Variants in KALRN observed in about 807,000 individuals in gnomAD.
KALRN encodes the protein kalirin.
Under a neutral mutation model 353.7 loss-of-function variants are expected in KALRN, and 70 were observed. The observed-to-expected ratio is 0.20, with a 90% CI of 0.16 to 0.24. The LOEUF is 0.24. KALRN is among the 10% of genes least tolerant of loss of function. KALRN has a pLI of 1.00. For missense variants in KALRN, 2,791 were observed against 3,756.7 expected (o/e 0.74, Z 6.72); for synonymous variants, 1,391 against 1,434.8 (o/e 0.97, Z 0.69).
rs377624275 is a variant in KALRN at position 124,605,584 on chromosome 3, A to AG, written c.5183-26836_5183-26835insG. ...TGGGACTCCATCTAAAAAAAAAAAA[A>AG]AAAGAGAGAGAGAGAATAGGTGCAT... is the stretch of plus-strand genomic sequence containing the variant. On this transcript the variant is annotated intron_variant, in intron 34 of 59. Coordinates refer to ENST00000682506, the MANE Select transcript of KALRN (RefSeq NM_001388419.1). Among the ~76,000 whole-genome samples the AG allele has an allele frequency of 6.0e-5, 8 of 132,232 alleles. No homozygotes were observed. In the South Asian group the frequency reaches 8.9e-4, roughly 15 times the overall value. 86.7% of individuals were successfully genotyped at this position (132,232 alleles called of 152,430 possible).
At chr3:124,115,488 G>A (rs1487637082) in intron 1 of KALRN, among the ~76,000 whole-genome samples, 2 of 152,246 alleles carry the variant, frequency 1.3e-5, no homozygotes, top group Non-Finnish European at 2.9e-5. Flanking sequence ...TTGGGCGTCC[G>A]TCAGATTAGC....
At chr3:124,178,091 A>G (rs2073035263) in intron 1 of KALRN, among the ~76,000 whole-genome samples, 1 of 152,234 alleles carries the variant, frequency 6.6e-6, no homozygotes, top group Admixed American at 6.5e-5. Context: ...CACATGTTTC[A>G]TAGCCCTCTT....
At chr3:124,136,940 G>A (rs140725061) in intron 1 of KALRN, among the ~76,000 whole-genome samples, 53 of 152,306 alleles carry the variant, frequency 3.5e-4, no homozygotes, top group African/African-American at 1.2e-3. Flanking sequence ...GAGGTGGGGA[G>A]CGAGGCCCTG....
chr3:124,360,952 G>T (rs2083971689), intron 10 of KALRN, among the ~76,000 whole-genome samples: 1 of 152,192 alleles, frequency 6.6e-6, no homozygotes, highest in African/African-American at 2.4e-5. Context: ...TATTTGTAAG[G>T]TTTTAAACCT....
intron 6 of KALRN, among the ~76,000 whole-genome samples, chr3:124,319,062 A>T (rs1273123749): frequency 6.6e-6 from 1 of 152,156 alleles, no homozygotes; most frequent in Non-Finnish European, 1.5e-5. Context: ...ATTGTACTTT[A>T]CTAAAAATAT....
chr3:124,144,892 T>G (rs138311079), intron 1 of KALRN, among the ~76,000 whole-genome samples: 8 of 152,258 alleles, frequency 5.3e-5, no homozygotes, highest in Middle Eastern at 6.8e-3. Context: ...TAAATAAACA[T>G]GAAATAGATG....
rs574046287 is a variant in KALRN at position 124,246,305 on chromosome 3, C to A, written c.263+11362C>A. On this transcript the variant is annotated intron_variant, in intron 3 of 59. Transcript: ENST00000682506. The stretch of plus-strand genomic sequence containing the variant: ...ATATATTGTGTACCTAAACCTTATC[C>A]TGACTTTGGAAAGACTAAAGGGATT... Among the ~76,000 whole-genome samples, 9 of 152,366 alleles carry A rather than the reference C, an allele frequency of 5.9e-5. No homozygotes were observed. The South Asian group carries it at 1.0e-3, about 18-fold the overall frequency.
intron 45 of KALRN, 38 bp from the exon 46 acceptor site, chr3:124,666,410 AT>A: frequency 1.3e-6 from 2 of 1,591,170 alleles, no homozygotes; most frequent in Non-Finnish European, 8.6e-7. Flanking sequence ...CTCGCTCCCC[AT>A]TTTTCATTCA....
At chr3:124,364,941 T>G (rs2084479279) in intron 10 of KALRN, among the ~76,000 whole-genome samples, 1 of 152,234 alleles carries the variant, frequency 6.6e-6, no homozygotes, top group African/African-American at 2.4e-5. Flanking sequence ...TAGACTACTC[T>G]TTGGCTTCAC....
chr3:124,661,939 A>G lies in KALRN; in HGVS notation c.6345+11A>G. 1 of 1,609,668 alleles carries G rather than the reference A, an allele frequency of 6.2e-7. No homozygotes were observed. Among genetic ancestry groups the G allele is most frequent in the Non-Finnish European group, 8.5e-7 (1 of 1,175,992 alleles). On this transcript the variant is annotated intron_variant, in intron 45 of 59. Coordinates refer to ENST00000682506, the MANE Select transcript of KALRN (RefSeq NM_001388419.1). ...CTGCAGGGCTTTGAGGTGAGTCTTT[A>G]AGAATGCGTCTAAGCCCACTCTCTC...
intron 13 of KALRN, among the ~76,000 whole-genome samples, chr3:124,412,760 T>C (rs537841037): frequency 6.6e-6 from 1 of 152,372 alleles, no homozygotes; most frequent in African/African-American, 2.4e-5. Flanking sequence ...CTGCTTGAAT[T>C]CCTGGAGGTA....
intron 5 of KALRN, among the ~76,000 whole-genome samples, chr3:124,298,164 G>A (rs989878308): frequency 5.3e-5 from 8 of 152,184 alleles, no homozygotes; most frequent in Admixed American, 2.0e-4. Context: ...GAAAACCAGG[G>A]TATGGAGCTA....
chr3:124,369,843 A>G (rs1184444783), intron 10 of KALRN, among the ~76,000 whole-genome samples: 2 of 144,108 alleles, frequency 1.4e-5, no homozygotes, highest in Non-Finnish European at 3.0e-5. Context: ...TTTAGATTCC[A>G]CATATAAGTG....
At chr3:124,663,544 CAATAT>C (rs1197254639) in intron 45 of KALRN, among the ~76,000 whole-genome samples, 1 of 152,132 alleles carries the variant, frequency 6.6e-6, no homozygotes, top group Non-Finnish European at 1.5e-5. Flanking sequence ...TAACCACACA[CAATAT>C]GTTTTTAAGA....
At chr3:124,064,855 G>A (rs1337921326) in intron 1 of KALRN, among the ~76,000 whole-genome samples, 1 of 152,162 alleles carries the variant, frequency 6.6e-6, no homozygotes, top group Non-Finnish European at 1.5e-5. Flanking sequence ...ACAAGGACAA[G>A]GACAAAATGT....
At chr3:124,145,070 T>A (rs1021151168) in intron 1 of KALRN, among the ~76,000 whole-genome samples, 2 of 152,234 alleles carry the variant, frequency 1.3e-5, no homozygotes, top group Non-Finnish European at 2.9e-5. Flanking sequence ...AGCCCTTCTC[T>A]TATGGGCAAG....
chr3:124,100,020 T>G (rs949448450), intron 1 of KALRN, among the ~76,000 whole-genome samples: 3 of 152,010 alleles, frequency 2.0e-5, no homozygotes, highest in Non-Finnish European at 4.4e-5. Flanking sequence ...AAAAATTAGC[T>G]GGGCATGGCA....
intron 11 of KALRN, among the ~76,000 whole-genome samples, chr3:124,392,494 C>G (rs2089543607): frequency 6.6e-6 from 1 of 150,392 alleles, no homozygotes; most frequent in Non-Finnish European, 1.5e-5. Context: ...GTAACTTACC[C>G]AAGATTATAT....
intron 10 of KALRN, among the ~76,000 whole-genome samples, chr3:124,368,439 G>C (rs1417309383): frequency 6.7e-6 from 1 of 149,732 alleles, no homozygotes; most frequent in Non-Finnish European, 1.5e-5. Context: ...GCGGGGCAGA[G>C]GCGCTCCGCA....
Sources: allele counts gnomAD v4.1 joint callset (sites outside exome capture counted in the v4.1 genomes callset), GRCh38; gene constraint gnomAD v4.1.1; transcripts MANE v1.5; gene names NCBI Gene and HGNC (gene_info 2026-07-23, HGNC 2026-07-21).